RFC5: variants seen among roughly 807,000 people sequenced by gnomAD.
The protein encoded by RFC5 is replication factor C subunit 5.
RFC5 carries 26 observed loss-of-function variants against 44.3 expected under a neutral mutation model. That is an observed-to-expected ratio of 0.59 (90% CI 0.43 to 0.81). RFC5 has a LOEUF of 0.81. Ranked by LOEUF, RFC5 falls within the 40% of genes least tolerant of loss-of-function variation. The pLI is 0.00. For synonymous variants in RFC5, 155 were observed against 155.2 expected, an observed-to-expected ratio of 1.00 and a Z score of 0.01; for missense variants, 328 against 418.6, an observed-to-expected ratio of 0.78 and a Z score of 1.89.
At chr12:118,036,594 A>G, downstream of RFC5, 1 of 1,409,396 alleles carries the variant, frequency 7.1e-7, no homozygotes, top group Non-Finnish European at 9.7e-7. Context: ...ACCACCACCA[A>G]ATCTGCAGGC....
Position 118,016,751 on chromosome 12 carries a change from G to A in RFC5, c.-77G>A. 8.1e-7 allele frequency: 1 copy of A among 1,231,142 alleles called. No homozygotes were observed. Among genetic ancestry groups the A allele is most frequent in the Non-Finnish European group, 1.2e-6 (1 of 854,504 alleles). The allele number at this position is 1,231,142 out of a possible 1,614,324, so 76.3% of individuals were successfully genotyped here. On this transcript the variant is annotated 5_prime_UTR_variant, in exon 1 of 11. Transcript: ENST00000454402. ...TGTAAGTGCCAGGGTCTCAGGGTCA[G>A]GTCGCGGCTGGTCACTGTGCAGGCG...
intron 7 of RFC5, among the ~76,000 whole-genome samples, 164 bp downstream of exon 7, chr12:118,025,992 G>C (rs905586138): frequency 2.0e-5 from 3 of 151,628 alleles, no homozygotes; most frequent in African/African-American, 7.3e-5. Flanking sequence ...ACAGGTGCCC[G>C]CCACCACGCC....
downstream of RFC5, chr12:118,034,113 C>G: frequency 1.3e-6 from 2 of 1,549,902 alleles, no homozygotes; most frequent in Non-Finnish European, 1.8e-6. Context: ...AATGCAAGAC[C>G]AGATGTTTGG....
the RFC5 span, chr12:118,038,463 T>A: frequency 5.3e-4 from 753 of 1,425,660 alleles, 1 homozygote; most frequent in African/African-American, 9.4e-3. Flanking sequence ...AGAACTGGGG[T>A]GGTAACAGCC....
intron 10 of RFC5, among the ~76,000 whole-genome samples, chr12:118,030,275 G>T (rs186447550): frequency 1.7e-4 from 26 of 152,348 alleles, no homozygotes; most frequent in Non-Finnish European, 3.1e-4. Context: ...CATTTAAGTA[G>T]ACAGAGCATT....
Position 118,031,400 on chromosome 12 carries a change from A to C in RFC5, c.*122A>C. ...ATCAGTCACCCCGAATCTTGGAAAA[A>C]CCCCCTTCCAGGAGAGGATGGGCAG... On this transcript the variant is annotated 3_prime_UTR_variant, in exon 11 of 11. Transcript: ENST00000454402. 5.2e-6 allele frequency: 3 copies of C among 577,132 alleles called. No individual in the cohort carries two copies. Among genetic ancestry groups the C allele is most frequent in the Non-Finnish European group, 9.0e-6 (3 of 333,454 alleles). 35.8% of individuals were successfully genotyped at this position (577,132 alleles called of 1,614,324 possible). A position where few individuals can be genotyped will look rare whatever the true frequency, so the allele number is the denominator to read the frequency against.
At chr12:118,020,773 G>T in intron 3 of RFC5, 133 bp from the exon 4 acceptor site, 1 of 527,902 alleles carries the variant, frequency 1.9e-6, no homozygotes, top group Middle Eastern at 2.8e-4. Context: ...ATTTTATGAT[G>T]ATCTCTTAGC....
chr12:118,038,500 T>G, the RFC5 span: 2 of 926,832 alleles, frequency 2.2e-6, no homozygotes, highest in Non-Finnish European at 3.2e-6. Flanking sequence ...CATCAGCTCC[T>G]ATCAGCTGGG....
At chr12:118,017,668 T>A in intron 1 of RFC5, 1 of 1,019,440 alleles carries the variant, frequency 9.8e-7, no homozygotes, top group Non-Finnish European at 1.3e-6. Flanking sequence ...ATTTTATGTA[T>A]TTACGTATTT....
intron 5 of RFC5, among the ~76,000 whole-genome samples, chr12:118,022,824 G>A (rs5745830): frequency 2.6e-5 from 4 of 152,128 alleles, no homozygotes; most frequent in Admixed American, 2.6e-4. Context: ...CTTGTTTTCA[G>A]TTTTCATCTT....
At chr12:118,024,751 T>G (rs2030816020) in intron 5 of RFC5, 100 bp from the exon 6 acceptor site, 1 of 1,003,544 alleles carries the variant, frequency 1.0e-6, no homozygotes, top group Admixed American at 2.2e-5. Context: ...ATTGAATCTT[T>G]TCCTATACCC....
chr12:118,022,169 A>T, intron 4 of RFC5, 117 bp from the exon 5 acceptor site: 1 of 796,606 alleles, frequency 1.3e-6, no homozygotes, highest in Non-Finnish European at 2.1e-6. Context: ...CCAAAGTTCT[A>T]GAAGAAATTG....
At chr12:118,026,791 C>T in intron 7 of RFC5, 98 bp from the exon 8 acceptor site, 1 of 1,373,606 alleles carries the variant, frequency 7.3e-7, no homozygotes, top group African/African-American at 1.4e-5. Context: ...TGCTGCTCAC[C>T]TGCATTGCTG....
downstream of RFC5, chr12:118,033,640 C>T (rs547192171): frequency 1.3e-5 from 2 of 151,970 alleles, no homozygotes; most frequent in Admixed American, 6.5e-5. Flanking sequence ...AAATTAATAC[C>T]TCATACCAAA....
chr12:118,025,627 T>TC, intron 6 of RFC5, 120 bp from the exon 7 acceptor site: 1 of 660,882 alleles, frequency 1.5e-6, no homozygotes, highest in Non-Finnish European at 2.7e-6. Flanking sequence ...GATTATTAAC[T>TC]CTGTTCCTCT....
Position 118,016,870 on chromosome 12 carries a change from A to T in RFC5, c.43A>T (p.Thr15Ser). The change falls in exon 1 of 11, where the codon ACC becomes TCC. Residue 15 changes from threonine (T) to serine (S), a missense_variant. By Grantham distance (58) the Thr-to-Ser change is moderately conservative. Transcript: ENST00000454402. ...CAAGCAGCAGGAGCAGCCCGCGGCG[A>T]CCAAGATCAGGAACCTGCCCTGGTA... ...ALKQQEQPAA[T>S]KIRNLPWVEK... 1 of 1,613,496 alleles carries T rather than the reference A, an allele frequency of 6.2e-7. No homozygotes were observed.
At chr12:118,026,100 C>G (rs1445451820) in intron 7 of RFC5, among the ~76,000 whole-genome samples, 1 of 152,106 alleles carries the variant, frequency 6.6e-6, no homozygotes, top group Non-Finnish European at 1.5e-5. Flanking sequence ...GCCTCAGCTT[C>G]CTAAAGTGCT....
intron 8 of RFC5, among the ~76,000 whole-genome samples, chr12:118,027,652 A>G (rs2031039051): frequency 6.6e-6 from 1 of 150,744 alleles, no homozygotes; most frequent in Middle Eastern, 3.2e-3. Context: ...AGCCTGGGTG[A>G]CAGAGGGAGA....
At chr12:118,033,514 A>G (rs562499933), downstream of RFC5, 81 of 152,386 alleles carry the variant, frequency 5.3e-4, no homozygotes, top group African/African-American at 1.9e-3. Context: ...CTGACATACA[A>G]ATTTGTCATT....
Sources: allele counts gnomAD v4.1 joint callset (sites outside exome capture counted in the v4.1 genomes callset), GRCh38; gene constraint gnomAD v4.1.1; transcripts MANE v1.5; gene names NCBI Gene and HGNC (gene_info 2026-07-23, HGNC 2026-07-21).